Variants in ATRNL1 observed in about 807,000 individuals in gnomAD.
The protein encoded by ATRNL1 is attractin-like protein 1.
In ATRNL1, 95 loss-of-function variants were observed where a neutral mutation model predicts 182.7. The ratio of observed to expected loss-of-function variants is 0.52; its 90% confidence interval spans 0.44 to 0.62. ATRNL1 has a LOEUF of 0.62. Ranked by LOEUF, ATRNL1 falls within the 20% of genes least tolerant of loss-of-function variation. The pLI is 0.00. For synonymous variants in ATRNL1, 576 were observed against 568.3 expected (o/e 1.01, Z -0.19); for missense variants, 1,471 against 1,679.5 (o/e 0.88, Z 2.17).
intron 24 of ATRNL1, among the ~76,000 whole-genome samples, chr10:115,499,691 A>C (rs183156938): frequency 1.3e-3 from 197 of 152,304 alleles, no homozygotes; most frequent in Admixed American, 2.7e-3. Context: ...GATAAGAGAC[A>C]AATAGTTGCA....
chr10:115,157,415 AT>A (rs1464396679), intron 5 of ATRNL1, among the ~76,000 whole-genome samples: 1 of 152,038 alleles, frequency 6.6e-6, no homozygotes, highest in Non-Finnish European at 1.5e-5. Context: ...AAGACATCTA[AT>A]TTTTTTCTTA....
chr10:115,302,210 A>C (rs1361293497), intron 17 of ATRNL1, among the ~76,000 whole-genome samples, 167 bp downstream of exon 17: 1 of 152,198 alleles, frequency 6.6e-6, no homozygotes, highest in African/African-American at 2.4e-5. Flanking sequence ...TTTTTATTAT[A>C]TCATCATTTT....
chr10:115,768,208 G>A (rs1412754490), intron 27 of ATRNL1, among the ~76,000 whole-genome samples: 1 of 152,040 alleles, frequency 6.6e-6, no homozygotes, highest in Non-Finnish European at 1.5e-5. Context: ...TGTAAAATGA[G>A]AATAGTAACA....
intron 27 of ATRNL1, among the ~76,000 whole-genome samples, chr10:115,734,421 A>G (rs1477078366): frequency 2.0e-5 from 3 of 152,058 alleles, no homozygotes; most frequent in Non-Finnish European, 4.4e-5. Context: ...AAAATTGAAT[A>G]TTTTTGTATT....
At chr10:115,908,215 G>T (rs1193244675) in intron 28 of ATRNL1, among the ~76,000 whole-genome samples, 1 of 152,052 alleles carries the variant, frequency 6.6e-6, no homozygotes, top group Non-Finnish European at 1.5e-5. Flanking sequence ...CTTTTAGGAG[G>T]CCCTAGCAAA....
chr10:115,695,388 T>C, intron 26 of ATRNL1, among the ~76,000 whole-genome samples: 1 of 152,226 alleles, frequency 6.6e-6, no homozygotes, highest in Middle Eastern at 3.2e-3. Context: ...ATGAAGTATT[T>C]ATAAATAATA....
At chr10:115,537,662 A>G (rs1202145148) in intron 25 of ATRNL1, among the ~76,000 whole-genome samples, 1 of 151,958 alleles carries the variant, frequency 6.6e-6, no homozygotes, top group Non-Finnish European at 1.5e-5. Context: ...GGCAGTGGTT[A>G]ATTACTTGCC....
intron 26 of ATRNL1, among the ~76,000 whole-genome samples, chr10:115,702,445 C>T (rs1555051801): frequency 6.6e-6 from 1 of 151,772 alleles, no homozygotes; most frequent in African/African-American, 2.4e-5. Context: ...AAAGAAAAGG[C>T]ATCTAAATAG....
At chr10:115,450,580 G>A (rs191677961) in intron 21 of ATRNL1, among the ~76,000 whole-genome samples, 323 of 152,268 alleles carry the variant, frequency 2.1e-3, no homozygotes, top group Non-Finnish European at 3.2e-3. Flanking sequence ...AACCAGGGAG[G>A]TGAAAGATCT....
At chr10:115,668,496 C>T (rs1317181046) in intron 26 of ATRNL1, among the ~76,000 whole-genome samples, 2 of 152,108 alleles carry the variant, frequency 1.3e-5, no homozygotes, top group Non-Finnish European at 2.9e-5. Context: ...AGGATTTAAT[C>T]TTGATGGAGA....
chr10:115,433,704 A>G lies in ATRNL1; in HGVS notation c.3322+7402A>G, dbSNP rs180945454. Among the ~76,000 whole-genome samples, 896 of 152,282 alleles carry G rather than the reference A, an allele frequency of 5.9e-3. 2 individuals are homozygous for G. Among genetic ancestry groups the G allele is most frequent in the Non-Finnish European group, 9.6e-3 (653 of 68,008 alleles). ...TAGTCCAAAATGATGGATAATAAAC[A>G]TGATTATAAGAAAATTTAAAATAGC... On this transcript the variant is annotated intron_variant, in intron 21 of 28. Coordinates refer to ENST00000355044, the MANE Select transcript of ATRNL1 (RefSeq NM_207303.4).
chr10:115,503,400 G>GA (rs797023448), intron 24 of ATRNL1, among the ~76,000 whole-genome samples: 5 of 151,670 alleles, frequency 3.3e-5, no homozygotes, highest in African/African-American at 4.8e-5. Context: ...AGGACATGAG[G>GA]AAAAAAAATT....
At chr10:115,203,623 A>G (rs1412146498) in intron 8 of ATRNL1, among the ~76,000 whole-genome samples, 2 of 136,340 alleles carry the variant, frequency 1.5e-5, no homozygotes, top group East Asian at 4.3e-4. Flanking sequence ...TCTGTCACCC[A>G]GGCTAGAGTG....
intron 22 of ATRNL1, 145 bp downstream of exon 22, chr10:115,462,180 G>A (rs912180902): frequency 2.8e-5 from 14 of 493,610 alleles, no homozygotes; most frequent in South Asian, 4.3e-5. Flanking sequence ...TTCTCTCTTC[G>A]TGATTCAATA....
intron 27 of ATRNL1, among the ~76,000 whole-genome samples, chr10:115,745,540 A>G (rs1948266635): frequency 6.6e-6 from 1 of 152,088 alleles, no homozygotes; most frequent in South Asian, 2.1e-4. Flanking sequence ...AACTTTAGCA[A>G]TTTTCCAAAG....
intron 5 of ATRNL1, among the ~76,000 whole-genome samples, chr10:115,137,160 C>T (rs1554876877): frequency 6.6e-6 from 1 of 152,150 alleles, no homozygotes; most frequent in Non-Finnish European, 1.5e-5. Context: ...CCATTGCACT[C>T]CAGCCTGGGC....
intron 10 of ATRNL1, among the ~76,000 whole-genome samples, chr10:115,243,002 A>G (rs1850485696): frequency 6.6e-6 from 1 of 151,904 alleles, no homozygotes; most frequent in Non-Finnish European, 1.5e-5. Context: ...CTGTCAATAT[A>G]TTATTGTTTT....
chr10:115,275,055 G>A (rs1052217046), intron 13 of ATRNL1, among the ~76,000 whole-genome samples: 52 of 152,176 alleles, frequency 3.4e-4, no homozygotes, highest in African/African-American at 1.2e-3. Context: ...CTCCAGGAAT[G>A]GAGTATTGCT....
chr10:115,097,184 G>C (rs1321350245), intron 1 of ATRNL1, among the ~76,000 whole-genome samples: 1 of 151,996 alleles, frequency 6.6e-6, no homozygotes, highest in African/African-American at 2.4e-5. Context: ...TTCATTTCAC[G>C]CATTTAAAAT....
Sources: allele counts gnomAD v4.1 joint callset (sites outside exome capture counted in the v4.1 genomes callset), GRCh38; gene constraint gnomAD v4.1.1; transcripts MANE v1.5; gene names NCBI Gene and HGNC (gene_info 2026-07-23, HGNC 2026-07-21).